The following POC1B variants were observed in gnomAD, a reference collection of about 807,000 sequenced individuals.
POC1B encodes the protein POC1 centriolar protein homolog B.
A neutral mutation model predicts 60.6 loss-of-function variants in POC1B; 44 were observed. The observed-to-expected ratio is 0.73, with a 90% confidence interval of 0.57 to 0.93. The LOEUF (loss-of-function observed/expected upper bound fraction) is 0.93. POC1B is among the 40% of genes least tolerant of loss of function. The pLI, the probability that POC1B is intolerant of heterozygous loss-of-function variation, is 0.00. For missense variants in POC1B, 555 were observed against 572.3 expected (o/e 0.97, Z 0.31); for synonymous variants, 180 against 198.9 (o/e 0.90, Z 0.80).
downstream of POC1B, among the ~76,000 whole-genome samples, chr12:89,418,437 G>A (rs1266080337): frequency 6.6e-6 from 1 of 152,174 alleles, no homozygotes; most frequent in East Asian, 1.9e-4. Context: ...CTTTGACTCA[G>A]GCTTTTCAAG....
intron 10 of POC1B, among the ~76,000 whole-genome samples, chr12:89,439,058 G>A (rs1156308580): frequency 1.3e-5 from 2 of 152,136 alleles, no homozygotes; most frequent in South Asian, 2.1e-4. Context: ...TCTCTCAAAC[G>A]AATTCCATTC....
At chr12:89,464,483 G>GT (rs766668019) in intron 9 of POC1B, among the ~76,000 whole-genome samples, 17,461 of 93,780 alleles carry the variant, frequency 0.19, 2,678 homozygotes, top group South Asian at 0.34. Flanking sequence ...TTTTATAAGA[G>GT]TTTTTTTTTT....
At chr12:89,440,074 C>T (rs1222012064) in intron 10 of POC1B, among the ~76,000 whole-genome samples, 2 of 152,316 alleles carry the variant, frequency 1.3e-5, no homozygotes, top group Middle Eastern at 3.4e-3. Context: ...CAGCTCCTAC[C>T]TAGTGTCCGA....
intron 2 of POC1B, chr12:89,501,032 A>C: frequency 1.9e-6 from 2 of 1,041,068 alleles, no homozygotes; most frequent in Non-Finnish European, 3.0e-6. Flanking sequence ...AGTCAGATCA[A>C]AGTTTTGCCA....
chr12:89,410,412 G>T, the POC1B span, among the ~76,000 whole-genome samples: 1 of 152,276 alleles, frequency 6.6e-6, no homozygotes, highest in South Asian at 2.1e-4. Context: ...GGGCGCGGTG[G>T]CTCACACCTG....
intron 10 of POC1B, among the ~76,000 whole-genome samples, chr12:89,430,864 C>A (rs867793992): frequency 5.9e-5 from 9 of 151,902 alleles, no homozygotes; most frequent in Non-Finnish European, 1.2e-4. Context: ...ATCAGCTGAG[C>A]CAATCACAAA....
chr12:89,435,373 G>T (rs1435710890), intron 10 of POC1B, among the ~76,000 whole-genome samples: 1 of 151,926 alleles, frequency 6.6e-6, no homozygotes, highest in Admixed American at 6.6e-5. Context: ...TAGAGACAGG[G>T]TTTCACCATA....
chr12:89,425,042 T>G, intron 11 of POC1B, 119 bp downstream of exon 11: 1 of 989,132 alleles, frequency 1.0e-6, no homozygotes, highest in East Asian at 2.5e-5. Flanking sequence ...CACCTTGAGT[T>G]TGCTTTGCTA....
At chr12:89,403,010 A>G in the POC1B span, among the ~76,000 whole-genome samples, 81 of 148,344 alleles carry the variant, frequency 5.5e-4, no homozygotes, top group African/African-American at 1.9e-3. Flanking sequence ...CGACACAAAC[A>G]CATTTTTTTT....
Position 89,510,209 on chromosome 12 carries a change from C to T in POC1B, c.101-12867G>A, listed in dbSNP as rs185306154. 3.5e-3 allele frequency among the ~76,000 whole-genome samples: 533 copies of T among 152,200 alleles called. 3 individuals are homozygous for T. The highest frequency in any genetic ancestry group is 6.0e-3 in the South Asian group (29 of 4,830). On this transcript the variant is annotated intron_variant, in intron 2 of 11. Coordinates refer to ENST00000313546, the MANE Select transcript of POC1B (RefSeq NM_172240.3). The stretch of plus-strand genomic sequence containing the variant: ...TAGGTGGCTCCTTTTTGTTCTTGTA[C>T]ACTTCCTTTTGTTCTTTGGTAGCAT...
chr12:89,449,222 G>A (rs1881931939), intron 10 of POC1B, among the ~76,000 whole-genome samples: 1 of 152,186 alleles, frequency 6.6e-6, no homozygotes. Flanking sequence ...CTTGCTGTGT[G>A]TCTGTGAGGA....
At chr12:89,481,609 C>G (rs963055024) in intron 4 of POC1B, among the ~76,000 whole-genome samples, 1 of 152,144 alleles carries the variant, frequency 6.6e-6, no homozygotes, top group African/African-American at 2.4e-5. Context: ...TTACGAAAAG[C>G]AGAATCCCCA....
rs189354031 is a variant in POC1B at position 89,438,068 on chromosome 12, T to A, written c.1114-12689A>T. ...ACCGTCTCAAAAAAAAAAAAAAAAT[T>A]AAAAAATCTATTATAGCTTACTCCT... On this transcript the variant is annotated intron_variant, in intron 10 of 11. Coordinates refer to ENST00000313546, the MANE Select transcript of POC1B (RefSeq NM_172240.3). 1.2e-3 allele frequency among the ~76,000 whole-genome samples: 183 copies of A among 148,270 alleles called. 2 individuals carry two copies. In the East Asian group the frequency reaches 0.035, roughly 28 times the overall value.
chr12:89,430,348 G>A (rs1565893646), intron 10 of POC1B, among the ~76,000 whole-genome samples: 1 of 152,148 alleles, frequency 6.6e-6, no homozygotes. Context: ...ATCTTCATTT[G>A]TCACTTATTT....
chr12:89,449,662 T>C (rs1431170456), intron 10 of POC1B, among the ~76,000 whole-genome samples: 4 of 152,160 alleles, frequency 2.6e-5, no homozygotes, highest in African/African-American at 9.6e-5. Context: ...AACAGAATAA[T>C]TTTAAAATTC....
intron 4 of POC1B, 130 bp downstream of exon 4, chr12:89,491,806 G>T: frequency 1.4e-6 from 1 of 694,698 alleles, no homozygotes; most frequent in Non-Finnish European, 2.2e-6. Context: ...CCCGCACAAA[G>T]CAGTCACACA....
At chr12:89,451,714 G>C (rs1020566912) in intron 10 of POC1B, among the ~76,000 whole-genome samples, 8 of 152,170 alleles carry the variant, frequency 5.3e-5, no homozygotes, top group Non-Finnish European at 1.2e-4. Flanking sequence ...AGGAAGAACT[G>C]ACTGAAAAAT....
chr12:89,447,205 T>A (rs1026451256), intron 10 of POC1B, among the ~76,000 whole-genome samples: 14 of 152,180 alleles, frequency 9.2e-5, no homozygotes, highest in African/African-American at 3.1e-4. Context: ...GGTAAACTTA[T>A]CAATATACTC....
intron 4 of POC1B, among the ~76,000 whole-genome samples, 186 bp downstream of exon 4, chr12:89,491,750 C>T (rs1016023147): frequency 6.6e-6 from 1 of 151,904 alleles, no homozygotes; most frequent in Non-Finnish European, 1.5e-5. Context: ...GTCTGTCTCT[C>T]TGGAATGTAA....
Sources: gnomAD v4.1 joint callset for allele counts (sites outside exome capture counted in the v4.1 genomes callset) on GRCh38, gnomAD v4.1.1 for gene constraint, MANE v1.5 for transcripts, NCBI Gene and HGNC (gene_info 2026-07-23, HGNC 2026-07-21) for gene names.